Variants in ASB18 observed in about 807,000 individuals in gnomAD.
ASB18 encodes the protein ankyrin repeat and SOCS box protein 18.
ASB18 carries 33 observed loss-of-function variants against 33.4 expected under a neutral mutation model. That is an observed-to-expected ratio of 0.99 (90% confidence interval 0.75 to 1.32). The LOEUF (loss-of-function observed/expected upper bound fraction) is 1.32. Among genes scored for constraint, ASB18 ranks in the 40% most tolerant of loss-of-function variants. ASB18 has a pLI of 0.00. For synonymous variants in ASB18, 295 were observed against 307.6 expected (o/e 0.96, Z 0.43); for missense variants, 694 against 655.5 (o/e 1.06, Z -0.64).
intron 4 of ASB18, among the ~76,000 whole-genome samples, chr2:236,198,894 C>CT (rs774262011): frequency 3.3e-5 from 5 of 152,068 alleles, no homozygotes; most frequent in Non-Finnish European, 5.9e-5. Flanking sequence ...CTGGCTAGAG[C>CT]TTTTCAGTTC....
In ASB18 at chr2:236,234,020, G is replaced by T. The variant is rs2060578133; in HGVS notation, c.596+3669C>A. Among the ~76,000 whole-genome samples, 1 of 152,180 alleles carries T rather than the reference G, an allele frequency of 6.6e-6. No homozygotes were observed. Among genetic ancestry groups the T allele is most frequent in the South Asian group, 2.1e-4 (1 of 4,830 alleles). Reference sequence around the variant, plus strand: ...TTTATTATAAAGTTACAATATTCAAGACAGTATGGTATTGGTGTTAAAACA... The same window carrying T: ...TTTATTATAAAGTTACAATATTCAATACAGTATGGTATTGGTGTTAAAACA... On this transcript the variant is annotated intron_variant, in intron 3 of 5. Coordinates refer to ENST00000409749, the MANE Select transcript of ASB18 (RefSeq NM_212556.4). The surrounding 1 kb of genome is among the most constrained non-coding windows in gnomAD (Gnocchi z 4.1).
Position 236,214,932 on chromosome 2 carries a change from C to A in ASB18, c.597-66G>T. ...ACGCCCGCACCCTTCCACCCCCGGCCTGCTGCTGCAAAATATCAAGTGACC... is the reference window on the plus strand; with the variant it reads ...ACGCCCGCACCCTTCCACCCCCGGCATGCTGCTGCAAAATATCAAGTGACC... On this transcript the variant is annotated intron_variant, in intron 3 of 5. Transcript: ENST00000409749. This position sits in a 1 kb window ranked among gnomAD's most constrained non-coding sequence, Gnocchi z 6.5. 8.5e-7 allele frequency: 1 copy of A among 1,173,480 alleles called. No individual in the cohort carries two copies. Among genetic ancestry groups the A allele is most frequent in the Non-Finnish European group, 1.1e-6 (1 of 945,814 alleles). The allele number at this position is 1,173,480 out of a possible 1,614,324, so 72.7% of individuals were successfully genotyped here.
intron 3 of ASB18, among the ~76,000 whole-genome samples, chr2:236,218,458 C>T (rs1462622307): frequency 6.6e-6 from 1 of 152,194 alleles, no homozygotes; most frequent in Non-Finnish European, 1.5e-5. Context: ...CACCACTGTA[C>T]AGTCCCATTT....
intron 1 of ASB18, chr2:236,247,758 G>C (rs539245784): frequency 1.3e-5 from 2 of 152,350 alleles, no homozygotes; most frequent in South Asian, 4.1e-4. Context: ...TGTGTATGAA[G>C]TTGCTGAACA....
rs60064230 is a variant in ASB18, at chr2:236,246,346, C to CAAAAAAAAAAAAAAAA, written c.206-4960_206-4945dup. On this transcript the variant is annotated intron_variant, in intron 1 of 5. Transcript: ENST00000409749. ...TGGGTGACAGAGCAAGACTCCATCTCAAAAAAAAAAAAAAAAAAAAAAAAA... is the reference window on the plus strand; with the variant it reads ...TGGGTGACAGAGCAAGACTCCATCTCAAAAAAAAAAAAAAAAAAAAAAAAAAAAAAAAAAAAAAAAA... 3.4e-4 allele frequency among the ~76,000 whole-genome samples: 11 copies of CAAAAAAAAAAAAAAAA among 32,718 alleles called. 1 individual carries two copies. Among genetic ancestry groups the CAAAAAAAAAAAAAAAA allele is most frequent in the African/African-American group, 9.0e-4 (10 of 11,104 alleles). The allele number at this position is 32,718 out of a possible 152,430, so 21.5% of individuals were successfully genotyped here.
At position 236,264,315 on chromosome 2, in the gene ASB18, G is replaced by A. The variant is rs1318308540; in HGVS notation, c.31C>T (p.Pro11Ser). ...CTCTTCACTAAATCTGAGTTGAGTG[G>A]GTAGTCGGGAAGGTAATCCGAGTTG... is the stretch of plus-strand genomic sequence containing the variant. MSNSDYLPDY[P>S]LNSDLVKRLK... The change falls in exon 1 of 6, where the codon CCA (proline) becomes TCA (serine). Residue 11 changes from proline to serine, a missense_variant. Pro to Ser is a moderately conservative substitution (Grantham distance 74). Transcript: ENST00000409749. This position sits in a 1 kb window ranked among gnomAD's most constrained non-coding sequence, Gnocchi z 5.1. 2 of 1,613,876 alleles carry A rather than the reference G, an allele frequency of 1.2e-6. No homozygotes were observed. Among genetic ancestry groups the A allele is most frequent in the African/African-American group, 2.7e-5 (2 of 74,916 alleles).
At position 236,220,596 on chromosome 2, in the gene ASB18, A is replaced by AT. The variant is rs1229158498; in HGVS notation, c.597-5731_597-5730insA. ...ACAACTATTTATCTTTAGTCCCTGA[A>AT]ACAACTTTGCATTGTAGGTGGAATT... On this transcript the variant is annotated intron_variant, in intron 3 of 5. Coordinates refer to ENST00000409749, the MANE Select transcript of ASB18 (RefSeq NM_212556.4). The surrounding 1 kb of genome is among the most constrained non-coding windows in gnomAD (Gnocchi z 5.1). Among the ~76,000 whole-genome samples the AT allele has an allele frequency of 1.3e-5, 2 of 151,382 alleles. No individual in the cohort carries two copies. Among genetic ancestry groups the AT allele is most frequent in the Non-Finnish European group, 2.9e-5 (2 of 67,916 alleles).
At chr2:236,212,818 T>C (rs959320437) in intron 4 of ASB18, among the ~76,000 whole-genome samples, 2 of 151,984 alleles carry the variant, frequency 1.3e-5, no homozygotes, top group Non-Finnish European at 2.9e-5. Flanking sequence ...TTTGTAGAGA[T>C]AGGATCTTGC....
Position 236,208,251 on chromosome 2 carries a change from C to T in ASB18, c.1101+6111G>A, listed in dbSNP as rs1011604597. ...CCAGCACGGTCTTCCCAGCCCATCT[C>T]GCCAGCCCTGTCCCTCTCTGCGCCC... On this transcript the variant is annotated intron_variant, in intron 4 of 5. Transcript: ENST00000409749. The surrounding 1 kb of genome is among the most constrained non-coding windows in gnomAD (Gnocchi z 7.7). Among the ~76,000 whole-genome samples the T allele has an allele frequency of 5.9e-5, 9 of 152,136 alleles. No individual in the cohort carries two copies. Among genetic ancestry groups the T allele is most frequent in the Non-Finnish European group, 1.0e-4 (7 of 68,024 alleles).
At position 236,197,110 on chromosome 2, in the gene ASB18, C is replaced by T. The variant is rs72974791; in HGVS notation, c.1102-725G>A. ...ACCCATGGTTGATCCTGCCCATCCA[C>T]TTCTCCTAAGATTAAAGCAAATTCC... On this transcript the variant is annotated intron_variant, in intron 4 of 5. Coordinates refer to ENST00000409749, the MANE Select transcript of ASB18 (RefSeq NM_212556.4). Among the ~76,000 whole-genome samples the T allele has an allele frequency of 4.0e-3, 607 of 152,210 alleles. 1 individual carries two copies. The highest frequency in any genetic ancestry group is 5.9e-3 in the Admixed American group (90 of 15,294).
Position 236,209,196 on chromosome 2 carries a change from TAG to T in ASB18, c.1101+5164_1101+5165del, listed in dbSNP as rs2060447798. The stretch of plus-strand genomic sequence containing the variant: ...AGGTAAAAAGAAAACATGAAAACTT[TAG>T]GTCTCCATTTTCAGTATGGTTAGTG... On this transcript the variant is annotated intron_variant, in intron 4 of 5. Coordinates refer to ENST00000409749, the MANE Select transcript of ASB18 (RefSeq NM_212556.4). This position sits in a 1 kb window ranked among gnomAD's most constrained non-coding sequence, Gnocchi z 4.4. Among the ~76,000 whole-genome samples the T allele has an allele frequency of 6.6e-6, 1 of 152,172 alleles. No individual in the cohort carries two copies. Among genetic ancestry groups the T allele is most frequent in the African/African-American group, 2.4e-5 (1 of 41,548 alleles).
chr2:236,240,444 C>T (rs184061308), intron 2 of ASB18, among the ~76,000 whole-genome samples: 99 of 152,352 alleles, frequency 6.5e-4, no homozygotes, highest in Admixed American at 1.4e-3. Flanking sequence ...GGACACTGGC[C>T]GCCGGCCACT....
At chr2:236,207,472 G>C (rs2060440061) in intron 4 of ASB18, among the ~76,000 whole-genome samples, 1 of 152,182 alleles carries the variant, frequency 6.6e-6, no homozygotes, top group East Asian at 1.9e-4. Context: ...TCTGGATGCT[G>C]TTCTATTTTT....
At position 236,263,874 on chromosome 2, in the gene ASB18, G is replaced by A. The variant is rs147239094; in HGVS notation, c.205+267C>T. On this transcript the variant is annotated intron_variant, in intron 1 of 5. Coordinates refer to ENST00000409749, the MANE Select transcript of ASB18 (RefSeq NM_212556.4). This position sits in a 1 kb window ranked among gnomAD's most constrained non-coding sequence, Gnocchi z 4.0. The stretch of plus-strand genomic sequence containing the variant: ...TGGGTGAAATTTACACACGCAAATG[G>A]ACAGGCTTGGAAAACAATGGAGCCA... Among the ~76,000 whole-genome samples the A allele has an allele frequency of 6.6e-6, 1 of 152,268 alleles. No individual in the cohort carries two copies. Among genetic ancestry groups the A allele is most frequent in the African/African-American group, 2.4e-5 (1 of 41,552 alleles).
chr2:236,214,366 G>C lies in ASB18; in HGVS notation c.1097C>G (p.Pro366Arg). Residue 366 changes from proline to arginine, a missense_variant, in exon 4 of 6, where the codon CCC becomes CGC. Coordinates refer to ENST00000409749, the MANE Select transcript of ASB18 (RefSeq NM_212556.4). The surrounding 1 kb of genome is among the most constrained non-coding windows in gnomAD (Gnocchi z 6.5). ...CCGGGCTGGATCCTGCCTTACCTTG[G>C]GGAAGGCGTCGGGCCACACGGTGGG... ...GSPTVWPDAF[P>R]KVLKTCASVP... The C allele has an allele frequency of 6.3e-7, 1 of 1,575,226 alleles. No individual in the cohort carries two copies. Among genetic ancestry groups the C allele is most frequent in the Non-Finnish European group, 8.6e-7 (1 of 1,164,712 alleles).
At chr2:236,224,509 G>A (rs2060527971) in intron 3 of ASB18, among the ~76,000 whole-genome samples, 1 of 152,108 alleles carries the variant, frequency 6.6e-6, no homozygotes, top group African/African-American at 2.4e-5. Context: ...TTGGAGGGAG[G>A]TGGCCAGAGA....
Position 236,235,630 on chromosome 2 carries a change from C to A in ASB18, c.596+2059G>T, listed in dbSNP as rs941987592. 2.6e-5 allele frequency among the ~76,000 whole-genome samples: 4 copies of A among 152,204 alleles called. No homozygotes were observed. The highest frequency in any genetic ancestry group is 5.9e-5 in the Non-Finnish European group (4 of 68,040). On this transcript the variant is annotated intron_variant, in intron 3 of 5. Transcript: ENST00000409749. The surrounding 1 kb of genome is among the most constrained non-coding windows in gnomAD (Gnocchi z 6.2). ...ACCATGTATTGGTGAGGCTGTAAAG[C>A]AACTGGAACATGCAGACATCGCTGG... is the stretch of plus-strand genomic sequence containing the variant.
At position 236,252,632 on chromosome 2, in the gene ASB18, A is replaced by C. The variant is rs941274210; in HGVS notation, c.206-11230T>G. Among the ~76,000 whole-genome samples the C allele has an allele frequency of 2.0e-5, 3 of 152,172 alleles. No individual in the cohort carries two copies. The highest frequency in any genetic ancestry group is 4.4e-5 in the Non-Finnish European group (3 of 68,020). On this transcript the variant is annotated intron_variant, in intron 1 of 5. Coordinates refer to ENST00000409749, the MANE Select transcript of ASB18 (RefSeq NM_212556.4). This position sits in a 1 kb window ranked among gnomAD's most constrained non-coding sequence, Gnocchi z 7.9. ...CAAGAGGCAGGTGTCACTAGCCACC[A>C]TGCTATGGCGCATGGGACACAGGTG...
rs1203496029 is a variant in ASB18 at position 236,217,081 on chromosome 2, A to G, written c.597-2215T>C. Reference sequence around the variant, plus strand: ...TCTGTGTTGTCACATGTCTTGCACTATGTGCCCAGGCACATTGGTCACCCC... The same window carrying G: ...TCTGTGTTGTCACATGTCTTGCACTGTGTGCCCAGGCACATTGGTCACCCC... On this transcript the variant is annotated intron_variant, in intron 3 of 5. Coordinates refer to ENST00000409749, the MANE Select transcript of ASB18 (RefSeq NM_212556.4). This position sits in a 1 kb window ranked among gnomAD's most constrained non-coding sequence, Gnocchi z 5.2. Among the ~76,000 whole-genome samples, 1 of 152,130 alleles carries G rather than the reference A, an allele frequency of 6.6e-6. No individual in the cohort carries two copies. The highest frequency in any genetic ancestry group is 1.5e-5 in the Non-Finnish European group (1 of 68,008).
Sources: gnomAD v4.1 joint callset for allele counts (sites outside exome capture counted in the v4.1 genomes callset) on GRCh38, gnomAD v4.1.1 for gene constraint, Gnocchi (gnomAD v3.1) non-coding constraint, MANE v1.5 for transcripts, NCBI Gene and HGNC (gene_info 2026-07-23, HGNC 2026-07-21) for gene names.